PLEKHA7: variants seen among roughly 807,000 people sequenced by gnomAD.
The protein encoded by PLEKHA7 is pleckstrin homology domain-containing family A member 7.
Under a neutral mutation model 170.0 loss-of-function variants are expected in PLEKHA7, and 104 were observed. That is an observed-to-expected ratio of 0.61 (90% CI 0.52 to 0.72). The LOEUF is 0.72. Ranked by LOEUF, PLEKHA7 falls within the 30% of genes least tolerant of loss-of-function variation. The pLI is 0.00. For synonymous variants in PLEKHA7, 648 were observed against 660.8 expected (o/e 0.98, Z 0.30); for missense variants, 1,615 against 1,671.7 (o/e 0.97, Z 0.59).
chr11:16,873,157 G>A (rs1855001014), intron 3 of PLEKHA7, among the ~76,000 whole-genome samples: 1 of 152,174 alleles, frequency 6.6e-6, no homozygotes, highest in South Asian at 2.1e-4. Flanking sequence ...AGTTGGTATT[G>A]TTAAAATATT....
intron 3 of PLEKHA7, among the ~76,000 whole-genome samples, chr11:16,985,571 C>T (rs945947349): frequency 7.2e-5 from 11 of 152,230 alleles, no homozygotes; most frequent in Middle Eastern, 3.2e-3. Flanking sequence ...AACAGCTAGA[C>T]AGCCTAAGAG....
intron 10 of PLEKHA7, among the ~76,000 whole-genome samples, chr11:16,819,483 G>A (rs1188686744): frequency 6.6e-6 from 1 of 152,252 alleles, no homozygotes; most frequent in Non-Finnish European, 1.5e-5. Context: ...GCATGATGTT[G>A]TAAAAAGAGA....
rs548798540 is a variant in PLEKHA7 at position 16,924,651 on chromosome 11, C to T, written c.222-53469G>A. Among the ~76,000 whole-genome samples, 28 of 152,176 alleles carry T rather than the reference C, an allele frequency of 1.8e-4. 1 individual carries two copies. The South Asian group carries it at 5.6e-3, about 31-fold the overall frequency. On this transcript the variant is annotated intron_variant, in intron 3 of 26. Transcript: ENST00000531066. Reference sequence around the variant, plus strand: ...CACCGACAACGAAAGGGGAACCCTTCGGGGGCAGTGCTGGTGCCTTGGGGG... The same window carrying T: ...CACCGACAACGAAAGGGGAACCCTTTGGGGGCAGTGCTGGTGCCTTGGGGG...
chr11:16,964,181 T>C (rs190356011), intron 3 of PLEKHA7, among the ~76,000 whole-genome samples: 4 of 152,372 alleles, frequency 2.6e-5, no homozygotes, highest in East Asian at 3.9e-4. Context: ...TATTCAATTA[T>C]ATGTATATAT....
chr11:16,823,805 ATC>A (rs1850425590), intron 10 of PLEKHA7, among the ~76,000 whole-genome samples: 1 of 152,138 alleles, frequency 6.6e-6, no homozygotes, highest in Admixed American at 6.6e-5. Context: ...AATTCTATAG[ATC>A]TGTTTATTGT....
intron 9 of PLEKHA7, 95 bp from the exon 10 acceptor site, chr11:16,826,685 C>G: frequency 9.0e-7 from 1 of 1,112,404 alleles, no homozygotes; most frequent in Non-Finnish European, 1.3e-6. Context: ...TTTGCACAGG[C>G]TATTCCCTCT....
intron 8 of PLEKHA7, among the ~76,000 whole-genome samples, chr11:16,850,185 G>A (rs1031204072): frequency 9.2e-5 from 14 of 152,328 alleles, no homozygotes. Flanking sequence ...GCTGGAAAGC[G>A]TGACTTCTGT....
intron 9 of PLEKHA7, among the ~76,000 whole-genome samples, chr11:16,828,978 T>G (rs1260979875): frequency 6.6e-6 from 1 of 152,140 alleles, no homozygotes; most frequent in Non-Finnish European, 1.5e-5. Flanking sequence ...AGATATCTCT[T>G]TGGATTTTCT....
At chr11:16,848,514 A>G (rs907517776) in intron 8 of PLEKHA7, among the ~76,000 whole-genome samples, 2 of 152,220 alleles carry the variant, frequency 1.3e-5, no homozygotes, top group Non-Finnish European at 1.5e-5. Context: ...TTCTTAAAAT[A>G]TTTTTTAAAT....
chr11:16,796,671 T>C (rs1848251990), intron 17 of PLEKHA7, among the ~76,000 whole-genome samples: 1 of 152,178 alleles, frequency 6.6e-6, no homozygotes, highest in Non-Finnish European at 1.5e-5. Context: ...ATTTACTTAT[T>C]TATTTGAGAT....
intron 13 of PLEKHA7, among the ~76,000 whole-genome samples, chr11:16,810,839 G>A (rs1297091490): frequency 6.6e-6 from 1 of 152,138 alleles, no homozygotes; most frequent in African/African-American, 2.4e-5. Context: ...AGGGCTTTAG[G>A]GTGAGAGCCG....
intron 3 of PLEKHA7, among the ~76,000 whole-genome samples, chr11:17,000,145 G>A (rs1476037118): frequency 6.6e-6 from 1 of 152,152 alleles, no homozygotes; most frequent in African/African-American, 2.4e-5. Flanking sequence ...GTGCAGTGGT[G>A]GAATCTCGGC....
At chr11:16,799,727 A>G (rs758098404) in intron 17 of PLEKHA7, among the ~76,000 whole-genome samples, 1 of 151,934 alleles carries the variant, frequency 6.6e-6, no homozygotes, top group Admixed American at 6.6e-5. Flanking sequence ...CTGCGGCTAC[A>G]AAAAAGAGTA....
At chr11:16,988,400 C>T (rs925617717) in intron 3 of PLEKHA7, among the ~76,000 whole-genome samples, 9 of 152,154 alleles carry the variant, frequency 5.9e-5, no homozygotes, top group African/African-American at 2.2e-4. Flanking sequence ...CTCTCCACTG[C>T]CTTCCTGCCT....
intron 3 of PLEKHA7, among the ~76,000 whole-genome samples, chr11:16,966,221 A>C (rs1357320374): frequency 2.0e-5 from 3 of 151,998 alleles, no homozygotes; most frequent in African/African-American, 2.4e-5. Flanking sequence ...GGAGAAGGAA[A>C]ACTCTGGATA....
chr11:16,978,389 T>G (rs1278794319), intron 3 of PLEKHA7, among the ~76,000 whole-genome samples: 1 of 152,084 alleles, frequency 6.6e-6, no homozygotes, highest in Non-Finnish European at 1.5e-5. Context: ...AACAGTTACA[T>G]GAGTAACAAG....
At chr11:17,014,097 G>T in intron 2 of PLEKHA7, 28 bp downstream of exon 2, 1 of 1,586,688 alleles carries the variant, frequency 6.3e-7, no homozygotes, top group Non-Finnish European at 8.6e-7. Context: ...CGCTGCGCGC[G>T]CCCCCCACCC....
intron 25 of PLEKHA7, 63 bp downstream of exon 25, chr11:16,783,637 C>CA: frequency 1.5e-6 from 2 of 1,331,766 alleles, no homozygotes; most frequent in South Asian, 4.0e-5. Context: ...CCAGGGCCCA[C>CA]ATGGTAGAGA....
chr11:16,812,937 C>G (rs556459599), intron 13 of PLEKHA7, among the ~76,000 whole-genome samples, 176 bp downstream of exon 13: 1 of 152,188 alleles, frequency 6.6e-6, no homozygotes, highest in Non-Finnish European at 1.5e-5. Context: ...TGAAAAAAGG[C>G]AGAGTTTTAG....
Sources: allele counts gnomAD v4.1 joint callset (sites outside exome capture counted in the v4.1 genomes callset), GRCh38; gene constraint gnomAD v4.1.1; transcripts MANE v1.5; gene names NCBI Gene and HGNC (gene_info 2026-07-23, HGNC 2026-07-21).